Variants in ATR observed in about 807,000 individuals in gnomAD.
ATR encodes the protein serine/threonine-protein kinase ATR.
A neutral mutation model predicts 305.3 loss-of-function variants in ATR; 142 were observed. The observed-to-expected ratio is 0.47, with a 90% CI of 0.41 to 0.53. The LOEUF (loss-of-function observed/expected upper bound fraction) is 0.53. Among genes scored for constraint, ATR ranks in the 20% least tolerant of loss-of-function variants. ATR has a pLI of 0.00. For missense variants in ATR, 2,135 were observed against 3,133.1 expected (o/e 0.68, Z 7.60); for synonymous variants, 1,050 against 1,068.1 (o/e 0.98, Z 0.33).
At chr3:142,528,879 A>ATATATATATATATATT (rs1215767510) in intron 21 of ATR, among the ~76,000 whole-genome samples, 4 of 30,480 alleles carry the variant, frequency 1.3e-4, no homozygotes, top group African/African-American at 4.9e-4. Flanking sequence ...ATATATATAT[A>ATATATATATATATATT]TTTTTTTTTT....
intron 34 of ATR, among the ~76,000 whole-genome samples, chr3:142,494,561 T>G (rs1445768487): frequency 6.6e-6 from 1 of 152,116 alleles, no homozygotes; most frequent in Non-Finnish European, 1.5e-5. Context: ...AAATTTGAAT[T>G]AGGTTTTCAA....
intron 46 of ATR, chr3:142,451,123 T>TA: frequency 7.9e-7 from 1 of 1,260,958 alleles, no homozygotes; most frequent in Non-Finnish European, 1.0e-6. Flanking sequence ...TGCTCAGGTG[T>TA]AATTCCCTCC....
intron 25 of ATR, among the ~76,000 whole-genome samples, chr3:142,515,069 C>T (rs1308730112): frequency 6.6e-6 from 1 of 151,720 alleles, no homozygotes; most frequent in African/African-American, 2.4e-5. Flanking sequence ...TATTGAATGT[C>T]TTTTTATTAT....
In ATR at chr3:142,548,781, C is replaced by T. The variant is rs577442776; in HGVS notation, c.3171+698G>A. Among the ~76,000 whole-genome samples, 7 of 152,124 alleles carry T rather than the reference C, an allele frequency of 4.6e-5. No homozygotes were observed. The South Asian group carries it at 1.5e-3, about 32-fold the overall frequency. On this transcript the variant is annotated intron_variant, in intron 15 of 46. Transcript: ENST00000350721. ...CTCAATTTCTGACATGTATTAAATA[C>T]TCCATAAATACTTATTACTATCATT...
intron 35 of ATR, among the ~76,000 whole-genome samples, chr3:142,492,851 A>T (rs186287913): frequency 2.3e-4 from 35 of 152,210 alleles, no homozygotes; most frequent in Non-Finnish European, 3.2e-4. Flanking sequence ...TTGCTGAAAA[A>T]TTTTCAGGCT....
rs2032622696 is a variant in ATR, at chr3:142,512,377, G to A, written c.4735C>T (p.Gln1579Ter). ...TGGTCAAGCATGGAGAACACAGTCT[G>A]TGTACTGAGTTGACACAGATCAGAT... ...IASDLCQLST[Q>*]TVFSMLDHLT... is the part of the protein sequence containing the mutation. The change falls in exon 27 of 47, where the codon CAG becomes TAG. Residue 1579 changes from glutamine (Q) to a stop codon, truncating the protein, a stop_gained. Coordinates refer to ENST00000350721, the MANE Select transcript of ATR (RefSeq NM_001184.4). LOFTEE classifies it high-confidence loss of function. 6.2e-7 allele frequency: 1 copy of A among 1,613,802 alleles called. No individual in the cohort carries two copies. Among genetic ancestry groups the A allele is most frequent in the Non-Finnish European group, 8.5e-7 (1 of 1,179,770 alleles).
Position 142,496,437 on chromosome 3 carries a change from T to C in ATR, c.5822A>G (p.Tyr1941Cys). 1 of 1,611,464 alleles carries C rather than the reference T, an allele frequency of 6.2e-7. No individual in the cohort carries two copies. Among genetic ancestry groups the C allele is most frequent in the Non-Finnish European group, 8.5e-7 (1 of 1,179,296 alleles). The part of the protein sequence containing the change: ...ARKAGHHQTA[Y>C]NALLNAGESR... The stretch of plus-strand genomic sequence containing the variant: ...TTCCCCTGCATTAAGGAGAGCATTG[T>C]AGGCTGTCTGGTGGTGACCAGCCTT... The change falls in exon 34 of 47, where the codon TAC becomes TGC. Residue 1941 changes from tyrosine to cysteine, a missense_variant. Coordinates refer to ENST00000350721, the MANE Select transcript of ATR (RefSeq NM_001184.4).
intron 37 of ATR, among the ~76,000 whole-genome samples, 195 bp from the exon 38 acceptor site, chr3:142,469,764 C>T (rs1451950189): frequency 6.6e-6 from 1 of 152,030 alleles, no homozygotes; most frequent in East Asian, 1.9e-4. Flanking sequence ...TAGAGCCATT[C>T]AAAAACCCAA....
intron 25 of ATR, among the ~76,000 whole-genome samples, chr3:142,514,268 A>C (rs1244937699): frequency 1.3e-5 from 2 of 151,356 alleles, no homozygotes; most frequent in African/African-American, 4.9e-5. Flanking sequence ...CCGTCTCAAA[A>C]AAAAAGAAAA....
chr3:142,535,065 A>G lies in ATR; in HGVS notation c.3945+15T>C, dbSNP rs2108424097. On this transcript the variant is annotated intron_variant, in intron 21 of 46. Coordinates refer to ENST00000350721, the MANE Select transcript of ATR (RefSeq NM_001184.4). ...TTCTTTGTTATACATTTTTAATTAT[A>G]TCATATTAGCATACCTGATTTTTAT... 6.2e-7 allele frequency: 1 copy of G among 1,603,680 alleles called. No homozygotes were observed.
intron 1 of ATR, among the ~76,000 whole-genome samples, chr3:142,578,274 T>G (rs546717624): frequency 6.6e-6 from 1 of 152,236 alleles, no homozygotes; most frequent in African/African-American, 2.4e-5. Flanking sequence ...ATGGGTCAAG[T>G]CCCTCGTCTA....
intron 45 of ATR, among the ~76,000 whole-genome samples, chr3:142,453,831 A>C (rs1241518356): frequency 1.3e-5 from 2 of 151,986 alleles, no homozygotes; most frequent in African/African-American, 4.8e-5. Flanking sequence ...ACAACTCCTA[A>C]ATCTCTTTGG....
chr3:142,485,340 A>G, intron 35 of ATR, 58 bp from the exon 36 acceptor site: 1 of 1,585,910 alleles, frequency 6.3e-7, no homozygotes, highest in Non-Finnish European at 8.6e-7. Context: ...GCTGGGAAGT[A>G]AAATATGAAT....
chr3:142,455,009 A>C (rs1322303972), intron 45 of ATR, among the ~76,000 whole-genome samples: 1 of 152,224 alleles, frequency 6.6e-6, no homozygotes, highest in Non-Finnish European at 1.5e-5. Context: ...GTTATTGTGG[A>C]GAGAAAATCT....
intron 36 of ATR, among the ~76,000 whole-genome samples, chr3:142,478,259 A>G (rs2108296211): frequency 6.6e-6 from 1 of 152,034 alleles, no homozygotes; most frequent in East Asian, 1.9e-4. Flanking sequence ...ACACTGCTTT[A>G]AATGTGTCCC....
chr3:142,539,945 A>C (rs540225949), intron 18 of ATR, among the ~76,000 whole-genome samples: 2 of 152,348 alleles, frequency 1.3e-5, no homozygotes, highest in South Asian at 4.1e-4. Flanking sequence ...AAAGGGATTC[A>C]GGTTGATAAA....
chr3:142,506,451 TGA>T (rs1256940206), intron 28 of ATR, among the ~76,000 whole-genome samples: 1 of 152,106 alleles, frequency 6.6e-6, no homozygotes. Flanking sequence ...CCCAGCACTT[TGA>T]GAGGCCAAGG....
chr3:142,555,569 T>A (rs577783570), intron 10 of ATR, among the ~76,000 whole-genome samples: 1 of 152,336 alleles, frequency 6.6e-6, no homozygotes, highest in Admixed American at 6.5e-5. Context: ...ATTAAGACGA[T>A]CTCTGGTATC....
In ATR at chr3:142,568,147, G is replaced by C. The variant is rs2035134957; in HGVS notation, c.67C>G (p.Pro23Ala). Residue 23 changes from proline (P) to alanine (A), a missense_variant, in exon 2 of 47, where the codon CCA (proline) becomes GCA (alanine). Transcript: ENST00000350721. ...TGTACAACTGTATTATATTCCTCTG[G>C]TGTGGCACTAAAATACAAATTAAAA... The part of the protein sequence containing the change: ...PALRELGSAT[P>A]EEYNTVVQKP... 6.2e-7 allele frequency: 1 copy of C among 1,610,622 alleles called. No individual in the cohort carries two copies. The highest frequency in any genetic ancestry group is 8.5e-7 in the Non-Finnish European group (1 of 1,177,372).
Sources: allele counts gnomAD v4.1 joint callset (sites outside exome capture counted in the v4.1 genomes callset), GRCh38; gene constraint gnomAD v4.1.1; transcripts MANE v1.5; gene names NCBI Gene and HGNC (gene_info 2026-07-23, HGNC 2026-07-21).